CFAP299: variants seen among roughly 807,000 people sequenced by gnomAD.
CFAP299 encodes the protein cilia- and flagella-associated protein 299.
A neutral mutation model predicts 27.0 loss-of-function variants in CFAP299; 21 were observed. The ratio of observed to expected loss-of-function variants is 0.78; its 90% CI spans 0.55 to 1.12. The LOEUF (loss-of-function observed/expected upper bound fraction) is 1.12, where lower values mean the gene tolerates loss of function less well. CFAP299 is among the 50% of genes most tolerant of loss of function. The pLI, the probability that CFAP299 is intolerant of heterozygous loss-of-function variation, is 0.00. For synonymous variants in CFAP299, 104 were observed against 98.1 expected, an observed-to-expected ratio of 1.06 and a Z score of -0.36; for missense variants, 310 against 276.6, an observed-to-expected ratio of 1.12 and a Z score of -0.86.
Position 80,510,979 on chromosome 4 carries a change from A to G in CFAP299, c.243-72114A>G, listed in dbSNP as rs1732268391. On this transcript the variant is annotated intron_variant, in intron 2 of 5. Transcript: ENST00000358105. ...TGGCTTCTTTTAGCCATCTAGTGAG[A>G]ATGAATTTGGTATTTCTCTGAGAAG... 4.6e-5 allele frequency among the ~76,000 whole-genome samples: 7 copies of G among 152,274 alleles called. No homozygotes were observed. In the South Asian group the frequency reaches 1.5e-3, roughly 32 times the overall value.
chr4:80,473,304 A>C (rs1004370852), intron 2 of CFAP299, among the ~76,000 whole-genome samples: 7 of 152,146 alleles, frequency 4.6e-5, no homozygotes, highest in African/African-American at 1.7e-4. Context: ...GTATGTGTGA[A>C]TTCCCAAAGC....
intron 2 of CFAP299, among the ~76,000 whole-genome samples, chr4:80,407,854 A>G (rs1205907169): frequency 6.6e-6 from 1 of 152,208 alleles, no homozygotes; most frequent in South Asian, 2.1e-4. Flanking sequence ...CCTAAAAAGT[A>G]TATTTTAAAT....
intron 2 of CFAP299, among the ~76,000 whole-genome samples, chr4:80,366,449 A>G (rs1330941308): frequency 2.0e-5 from 3 of 152,216 alleles, no homozygotes; most frequent in Admixed American, 1.3e-4. Flanking sequence ...GTTCAAGAAG[A>G]AGGCAAAAAT....
At chr4:80,939,471 AT>A (rs77950376) in intron 4 of CFAP299, among the ~76,000 whole-genome samples, 138 of 147,980 alleles carry the variant, frequency 9.3e-4, no homozygotes, top group African/African-American at 3.1e-3. Context: ...CTCTCTGTTG[AT>A]TTTTTTTTCA....
intron 2 of CFAP299, among the ~76,000 whole-genome samples, chr4:80,443,461 C>A (rs1728465414): frequency 1.3e-5 from 2 of 152,106 alleles, no homozygotes; most frequent in Admixed American, 6.6e-5. Flanking sequence ...GCAGAAAAGG[C>A]CTTCGATAAA....
chr4:80,736,805 A>G (rs1300630465), intron 3 of CFAP299, among the ~76,000 whole-genome samples: 1 of 152,162 alleles, frequency 6.6e-6, no homozygotes, highest in Non-Finnish European at 1.5e-5. Context: ...CAGCCATCCC[A>G]TTACTGGGTA....
intron 3 of CFAP299, among the ~76,000 whole-genome samples, chr4:80,814,373 A>G (rs1729315405): frequency 6.6e-6 from 1 of 152,076 alleles, no homozygotes; most frequent in Non-Finnish European, 1.5e-5. Flanking sequence ...ACACAGATGG[A>G]CATGAGTATC....
At chr4:80,714,886 C>T (rs769756583) in intron 3 of CFAP299, among the ~76,000 whole-genome samples, 3 of 151,926 alleles carry the variant, frequency 2.0e-5, no homozygotes, top group Non-Finnish European at 2.9e-5. Context: ...ATCATACTTC[C>T]GACATTGACT....
At chr4:80,399,856 A>G (rs950232401) in intron 2 of CFAP299, among the ~76,000 whole-genome samples, 4 of 152,110 alleles carry the variant, frequency 2.6e-5, no homozygotes, top group Admixed American at 2.0e-4. Flanking sequence ...AAAAATTTAA[A>G]TGTTGTGACC....
At chr4:80,332,931 G>A (rs1009998937), upstream of CFAP299, among the ~76,000 whole-genome samples, 2 of 152,162 alleles carry the variant, frequency 1.3e-5, no homozygotes, top group Non-Finnish European at 2.9e-5. Flanking sequence ...TAGAGCCACA[G>A]AGAGCCCAAG....
intron 3 of CFAP299, among the ~76,000 whole-genome samples, chr4:80,838,543 T>C (rs1730689389): frequency 6.6e-6 from 1 of 152,170 alleles, no homozygotes. Flanking sequence ...GCTTGCTTTT[T>C]GTCAGGTTTG....
intron 2 of CFAP299, among the ~76,000 whole-genome samples, chr4:80,485,861 C>T (rs1170349007): frequency 6.6e-6 from 1 of 152,156 alleles, no homozygotes; most frequent in African/African-American, 2.4e-5. Flanking sequence ...CTCTCTGCTA[C>T]AATGCCTTAG....
intron 3 of CFAP299, among the ~76,000 whole-genome samples, chr4:80,725,091 T>A (rs1013609877): frequency 6.8e-6 from 1 of 147,966 alleles, no homozygotes; most frequent in Admixed American, 6.8e-5. Flanking sequence ...ACTACAGGCA[T>A]GCACCACCAT....
At chr4:80,800,485 ATATATAATATATAATATAT>A (rs1728435219) in intron 3 of CFAP299, among the ~76,000 whole-genome samples, 1 of 2,574 alleles carries the variant, frequency 3.9e-4, no homozygotes, top group African/African-American at 6.0e-4. Context: ...ATATTATATA[ATATATAATATATAATATAT>A]TATATAATAT....
At chr4:80,855,029 G>A (rs568357664) in intron 3 of CFAP299, among the ~76,000 whole-genome samples, 1 of 152,160 alleles carries the variant, frequency 6.6e-6, no homozygotes, top group South Asian at 2.1e-4. Flanking sequence ...TAATGGATTA[G>A]TGACTCCAAA....
intron 3 of CFAP299, among the ~76,000 whole-genome samples, chr4:80,585,499 G>T (rs942259124): frequency 3.3e-5 from 5 of 152,090 alleles, no homozygotes; most frequent in Non-Finnish European, 7.3e-5. Flanking sequence ...CACCAACCCT[G>T]GTCAATTTTA....
At chr4:80,816,016 T>C (rs1378837652) in intron 3 of CFAP299, among the ~76,000 whole-genome samples, 2 of 152,092 alleles carry the variant, frequency 1.3e-5, no homozygotes, top group East Asian at 3.9e-4. Context: ...GATAAAAATA[T>C]TTTGAACCTA....
intron 3 of CFAP299, among the ~76,000 whole-genome samples, chr4:80,727,508 C>A (rs1723228783): frequency 6.6e-6 from 1 of 151,982 alleles, no homozygotes; most frequent in Non-Finnish European, 1.5e-5. Flanking sequence ...AACTCTTGAG[C>A]CAGACTAGCT....
chr4:80,607,872 T>A (rs1046453854), intron 3 of CFAP299, among the ~76,000 whole-genome samples: 1 of 152,122 alleles, frequency 6.6e-6, no homozygotes, highest in African/African-American at 2.4e-5. Flanking sequence ...GGAATAGAAA[T>A]GTAATTATGG....
Sources: gnomAD v4.1 joint callset for allele counts (sites outside exome capture counted in the v4.1 genomes callset) on GRCh38, gnomAD v4.1.1 for gene constraint, MANE v1.5 for transcripts, NCBI Gene and HGNC (gene_info 2026-07-23, HGNC 2026-07-21) for gene names.